The following LRRN2 variants were observed in gnomAD, a reference collection of about 807,000 sequenced individuals.
LRRN2 encodes the protein leucine-rich repeat neuronal protein 2.
In LRRN2, 10 loss-of-function variants were observed where a neutral mutation model predicts 35.7. The ratio of observed to expected loss-of-function variants is 0.28; its 90% CI spans 0.17 to 0.47. The LOEUF is 0.47. Among genes scored for constraint, LRRN2 ranks in the 20% least tolerant of loss-of-function variants. The pLI is 0.99. For missense variants in LRRN2, 731 were observed against 940.3 expected (o/e 0.78, Z 2.91); for synonymous variants, 391 against 409.6 (o/e 0.95, Z 0.55).
At chr1:204,620,241 T>G in intron 1 of LRRN2, 23 bp from the exon 2 acceptor site, 1 of 1,420,300 alleles carries the variant, frequency 7.0e-7, no homozygotes, top group Non-Finnish European at 9.2e-7. Context: ...GATGCAGAGT[T>G]AAGGAGGTTG....
chr1:204,666,295 T>A (rs761220414), intron 1 of LRRN2, among the ~76,000 whole-genome samples: 6 of 152,266 alleles, frequency 3.9e-5, no homozygotes, highest in Non-Finnish European at 8.8e-5. Flanking sequence ...ATACAAGTTA[T>A]GTAAATATAA....
chr1:204,618,568 C>G lies in LRRN2; in HGVS notation c.1425G>C (p.Arg475=), dbSNP rs1666572456. 6.2e-7 allele frequency: 1 copy of G among 1,614,078 alleles called. No homozygotes were observed. The highest frequency in any genetic ancestry group is 2.2e-5 in the East Asian group (1 of 44,872). The change falls in exon 2 of 2, where the codon CGG becomes CGC. Residue 475 remains arginine, a synonymous_variant. Coordinates refer to ENST00000367177, the MANE Select transcript of LRRN2 (RefSeq NM_201630.2). ...LTPAHAGRRY[R]VYPEGTLELR... Reference sequence around the variant, plus strand: ...GCTCCAGGGTCCCCTCGGGGTACACCCGGTACCTCCTGCCTGCATGGGCAG... The same window carrying G: ...GCTCCAGGGTCCCCTCGGGGTACACGCGGTACCTCCTGCCTGCATGGGCAG...
intron 1 of LRRN2, among the ~76,000 whole-genome samples, chr1:204,662,218 C>T (rs1406939355): frequency 1.3e-5 from 2 of 152,156 alleles, no homozygotes; most frequent in Non-Finnish European, 2.9e-5. Flanking sequence ...CCAGGATAGT[C>T]TGAGCATTTG....
At chr1:204,675,057 C>G (rs1272220915) in intron 1 of LRRN2, among the ~76,000 whole-genome samples, 1 of 152,216 alleles carries the variant, frequency 6.6e-6, no homozygotes, top group East Asian at 1.9e-4. Flanking sequence ...GCAGTCCCGG[C>G]TCATCCACTA....
intron 1 of LRRN2, among the ~76,000 whole-genome samples, chr1:204,625,311 C>G (rs1323045403): frequency 6.6e-6 from 1 of 152,138 alleles, no homozygotes. Flanking sequence ...CCTGTTAGTT[C>G]CCTCTGTTGC....
intron 1 of LRRN2, chr1:204,620,583 G>GT (rs1369722543): frequency 5.8e-6 from 1 of 173,202 alleles, no homozygotes. Context: ...CCCCTCCCAT[G>GT]TTTTTTGACT....
intron 1 of LRRN2, among the ~76,000 whole-genome samples, chr1:204,633,876 C>T (rs181803264): frequency 2.8e-4 from 43 of 152,360 alleles, no homozygotes; most frequent in Admixed American, 1.6e-3. Flanking sequence ...GGCCTAAGCT[C>T]GGCAGCCCTT....
intron 1 of LRRN2, among the ~76,000 whole-genome samples, chr1:204,637,963 T>G (rs1667876059): frequency 6.6e-6 from 1 of 152,244 alleles, no homozygotes; most frequent in Non-Finnish European, 1.5e-5. Context: ...CCCCAGGAGC[T>G]GCGGAGCTGG....
At chr1:204,669,086 G>C (rs1352970813) in intron 1 of LRRN2, among the ~76,000 whole-genome samples, 1 of 152,190 alleles carries the variant, frequency 6.6e-6, no homozygotes. Flanking sequence ...AGCCTCTCCA[G>C]AGTTCTGGGA....
chr1:204,654,906 A>AC (rs934091077), intron 1 of LRRN2, among the ~76,000 whole-genome samples: 7 of 151,740 alleles, frequency 4.6e-5, no homozygotes, highest in East Asian at 1.9e-4. Context: ...CCTTCTTGCC[A>AC]CCCCCCCAGC....
intron 1 of LRRN2, among the ~76,000 whole-genome samples, chr1:204,665,440 C>T (rs1255700347): frequency 6.6e-6 from 1 of 152,154 alleles, no homozygotes; most frequent in East Asian, 1.9e-4. Flanking sequence ...CCACAGCCAG[C>T]CCTTAATTGC....
chr1:204,618,697 G>A lies in LRRN2; in HGVS notation c.1296C>T (p.Ser432=). Residue 432 remains serine, a synonymous_variant, in exon 2 of 2, where the codon AGC becomes AGT. Transcript: ENST00000367177. The part of the protein sequence containing the change: ...PLISPRSFPP[S]LQVASGESMV... ...TGCTCTCTCCACTGGCTACCTGGAGGCTTGGGGGGAAGCTTCGTGGGGAGA... is the reference window on the plus strand; with the variant it reads ...TGCTCTCTCCACTGGCTACCTGGAGACTTGGGGGGAAGCTTCGTGGGGAGA... 6.3e-7 allele frequency: 1 copy of A among 1,599,922 alleles called. No homozygotes were observed. The highest frequency in any genetic ancestry group is 1.1e-5 in the South Asian group (1 of 88,490).
At chr1:204,634,204 G>T (rs1371976115) in intron 1 of LRRN2, among the ~76,000 whole-genome samples, 1 of 152,228 alleles carries the variant, frequency 6.6e-6, no homozygotes, top group Non-Finnish European at 1.5e-5. Context: ...TTAGTAGCTT[G>T]TAATAATTTG....
intron 1 of LRRN2, among the ~76,000 whole-genome samples, chr1:204,627,680 G>T (rs1667500887): frequency 6.6e-6 from 1 of 152,256 alleles, no homozygotes; most frequent in East Asian, 1.9e-4. Flanking sequence ...CCTGTTGGGG[G>T]CACGGAGGCA....
intron 1 of LRRN2, among the ~76,000 whole-genome samples, chr1:204,639,515 T>C (rs4951086): frequency 0.77 from 117,620 of 152,120 alleles, 46,302 homozygotes; most frequent in African/African-American, 0.92. Flanking sequence ...TGGTGCACAC[T>C]TGTAGTCCAA....
intron 1 of LRRN2, chr1:204,628,607 A>G (rs919075981): frequency 2.6e-5 from 4 of 152,248 alleles, no homozygotes; most frequent in African/African-American, 7.2e-5. Context: ...ATGCTGGCCT[A>G]TCAGGGTACT....
rs1666391530 is a variant in LRRN2, at chr1:204,617,173, T to C, written c.*678A>G. The C allele has an allele frequency of 6.6e-6, 1 of 152,538 alleles. No individual in the cohort carries two copies. The highest frequency in any genetic ancestry group is 2.1e-4 in the South Asian group (1 of 4,834). The allele number at this position is 152,538 out of a possible 1,614,324, so 9.4% of individuals were successfully genotyped here. A position where few individuals can be genotyped will look rare whatever the true frequency, so the allele number is the denominator to read the frequency against. On this transcript the variant is annotated 3_prime_UTR_variant, in exon 2 of 2. Transcript: ENST00000367177. ...ACCACACTCAATACTCAGAGGATTATTTTCCTTTCGTTCCTTTCCCCCGTA... is the reference window on the plus strand; with the variant it reads ...ACCACACTCAATACTCAGAGGATTACTTTCCTTTCGTTCCTTTCCCCCGTA...
chr1:204,657,339 TATAC>T (rs1668381891), intron 1 of LRRN2, among the ~76,000 whole-genome samples: 1 of 124,198 alleles, frequency 8.1e-6, no homozygotes, highest in Admixed American at 7.8e-5. Flanking sequence ...TATATGTATA[TATAC>T]ACACACACAC....
chr1:204,621,157 G>A (rs561646863), intron 1 of LRRN2: 1 of 167,300 alleles, frequency 6.0e-6, no homozygotes, highest in African/African-American at 2.4e-5. Context: ...TGGCAGTGTT[G>A]CCCAGGAGGA....
Sources: allele counts gnomAD v4.1 joint callset (sites outside exome capture counted in the v4.1 genomes callset), GRCh38; gene constraint gnomAD v4.1.1; transcripts MANE v1.5; gene names NCBI Gene and HGNC (gene_info 2026-07-23, HGNC 2026-07-21).